The following GPR4 variants were observed in gnomAD, a reference collection of about 807,000 sequenced individuals.
GPR4 encodes the protein G-prodeshotein coupled receptor 4.
Under a neutral mutation model 17.8 loss-of-function variants are expected in GPR4, and 11 were observed. That is an observed-to-expected ratio of 0.62 (90% confidence interval 0.39 to 1.02). The LOEUF (loss-of-function observed/expected upper bound fraction) is 1.02. Ranked by LOEUF, GPR4 falls within the 50% of genes least tolerant of loss-of-function variation. The pLI, the probability that GPR4 is intolerant of heterozygous loss-of-function variation, is 0.00. For synonymous variants in GPR4, 219 were observed against 222.8 expected (o/e 0.98, Z 0.15); for missense variants, 364 against 495.4 (o/e 0.73, Z 2.52).
chr19:45,593,960 G>A (rs1421733447), intron 1 of GPR4, among the ~76,000 whole-genome samples: 1 of 146,054 alleles, frequency 6.8e-6, no homozygotes, highest in Admixed American at 6.9e-5. Flanking sequence ...GCTCACAGCA[G>A]CCTCAACCTC....
chr19:45,590,825 A>G lies in GPR4; in HGVS notation c.1042T>C (p.Ser348Pro). 1 of 1,605,834 alleles carries G rather than the reference A, an allele frequency of 6.2e-7. No individual in the cohort carries two copies. Residue 348 changes from serine to proline, a missense_variant, in exon 2 of 2, where the codon TCC (serine) becomes CCC (proline). Ser to Pro is a moderately conservative substitution (Grantham distance 74). This residue lies in a region of GPR4 where 92 missense variants were observed against 106.0 expected (regional missense o/e 0.87). Coordinates refer to ENST00000323040, the MANE Select transcript of GPR4 (RefSeq NM_005282.3). ...TTCAGCTGCACCTGGTCCCCCTGGG[A>G]GGGCGGAGTGGCCGCCCAGCTGCCA... ...MTGSWAATPPSQGDQVQLKML... is the reference protein window; with the variant it reads ...MTGSWAATPPPQGDQVQLKML...
At chr19:45,601,855 T>A (rs1334574226) in intron 1 of GPR4, among the ~76,000 whole-genome samples, 1 of 148,882 alleles carries the variant, frequency 6.7e-6, no homozygotes, top group Non-Finnish European at 1.5e-5. Flanking sequence ...GACAGAGACA[T>A]CCAGAGACAC....
In GPR4 at chr19:45,591,389, G is replaced by A. The variant is rs769312976; in HGVS notation, c.478C>T (p.Arg160Ter). The A allele has an allele frequency of 6.2e-7, 1 of 1,613,522 alleles. No homozygotes were observed. The highest frequency in any genetic ancestry group is 8.5e-7 in the Non-Finnish European group (1 of 1,179,886). The change falls in exon 2 of 2, where the codon CGA becomes TGA. Residue 160 changes from arginine (R) to a stop codon, truncating the protein, a stop_gained. Coordinates refer to ENST00000323040, the MANE Select transcript of GPR4 (RefSeq NM_005282.3). LOFTEE classifies it high-confidence loss of function. The surrounding 1 kb of genome is among the most constrained non-coding windows in gnomAD (Gnocchi z 7.6). ...CAGAAGGTGTGGTTGTAGCGGTCTC[G>A]GAAGAGCTCGTCATGGAACAGGGGC... ...SAPLFHDELF[R>*]DRYNHTFCFE... is the part of the protein sequence containing the mutation.
chr19:45,591,655 G>A lies in GPR4; in HGVS notation c.212C>T (p.Pro71Leu), dbSNP rs1969997231. Residue 71 changes from proline (P) to leucine (L), a missense_variant, in exon 2 of 2, where the codon CCG becomes CTG. This residue lies in a region of GPR4 where 271 missense variants were observed against 373.1 expected (regional missense o/e 0.73). Transcript: ENST00000323040. This position sits in a 1 kb window ranked among gnomAD's most constrained non-coding sequence, Gnocchi z 7.6. ...IADLLYICTL[P>L]LWVDYFLHHD... ...GTGCAGGAAGTAGTCCACCCACAGC[G>A]GCAGCGTGCAGATGTACAGCAGGTC... The A allele has an allele frequency of 3.1e-6, 5 of 1,614,036 alleles. No homozygotes were observed. Among genetic ancestry groups the A allele is most frequent in the Non-Finnish European group, 2.5e-6 (3 of 1,179,940 alleles).
rs964429170 is a variant in GPR4 at position 45,591,406 on chromosome 19, A to T, written c.461T>A (p.Phe154Tyr). Residue 154 changes from phenylalanine (F) to tyrosine (Y), a missense_variant, in exon 2 of 2, where the codon TTC (phenylalanine) becomes TAC (tyrosine). Phe to Tyr is a conservative substitution (Grantham distance 22). This residue lies in a region of GPR4 where 271 missense variants were observed against 373.1 expected (regional missense o/e 0.73). Coordinates refer to ENST00000323040, the MANE Select transcript of GPR4 (RefSeq NM_005282.3). The surrounding 1 kb of genome is among the most constrained non-coding windows in gnomAD (Gnocchi z 7.6). ...GCGGTCTCGGAAGAGCTCGTCATGG[A>T]ACAGGGGCGCCGAGTTGGCGCCCAG... is the stretch of plus-strand genomic sequence containing the variant. ...TELGANSAPL[F>Y]HDELFRDRYN... 1.9e-6 allele frequency: 3 copies of T among 1,609,784 alleles called. No homozygotes were observed. The highest frequency in any genetic ancestry group is 1.3e-5 in the African/African-American group (1 of 74,272).
chr19:45,597,092 A>G (rs796916169), intron 1 of GPR4, among the ~76,000 whole-genome samples: 9 of 151,250 alleles, frequency 6.0e-5, no homozygotes, highest in African/African-American at 2.2e-4. Flanking sequence ...TTTTGGAGAC[A>G]GAATCTTACT....
chr19:45,594,786 C>G (rs1970040879), intron 1 of GPR4, among the ~76,000 whole-genome samples: 1 of 66,316 alleles, frequency 1.5e-5, no homozygotes, highest in Admixed American at 1.7e-4. Flanking sequence ...AGTTCAAGAT[C>G]AGCCTGGCCA....
At chr19:45,600,211 C>T (rs1436229947) in intron 1 of GPR4, among the ~76,000 whole-genome samples, 2 of 152,252 alleles carry the variant, frequency 1.3e-5, no homozygotes, top group East Asian at 3.9e-4. Context: ...ATCCAGGCCG[C>T]CTCTCTACCC....
rs1969992215 is a variant in GPR4, at chr19:45,591,370, G to T, written c.497C>A (p.Thr166Asn). The change falls in exon 2 of 2, where the codon ACC becomes AAC. Residue 166 changes from threonine (T) to asparagine (N), a missense_variant. Around this residue, in one of 3 missense-constraint regions of GPR4, gnomAD observed 271 missense variants for 373.1 expected, o/e 0.73. Transcript: ENST00000323040. The surrounding 1 kb of genome is among the most constrained non-coding windows in gnomAD (Gnocchi z 7.6). ...DELFRDRYNH[T>N]FCFEKFPMEG... is the part of the protein sequence containing the mutation. ...CATGGGGAACTTCTCAAAGCAGAAGGTGTGGTTGTAGCGGTCTCGGAAGAG... is the reference window on the plus strand; with the variant it reads ...CATGGGGAACTTCTCAAAGCAGAAGTTGTGGTTGTAGCGGTCTCGGAAGAG... 1 of 1,613,622 alleles carries T rather than the reference G, an allele frequency of 6.2e-7. No individual in the cohort carries two copies. Among genetic ancestry groups the T allele is most frequent in the East Asian group, 2.2e-5 (1 of 44,850 alleles).
rs1310109711 is a variant in GPR4, at chr19:45,591,792, G to A, written c.75C>T (p.Ile25=). 5 of 1,609,356 alleles carry A rather than the reference G, an allele frequency of 3.1e-6. No homozygotes were observed. The highest frequency in any genetic ancestry group is 1.7e-5 in the Admixed American group (1 of 59,684). The change falls in exon 2 of 2, where the codon ATC becomes ATT. Residue 25 remains isoleucine (I), a synonymous_variant. Coordinates refer to ENST00000323040, the MANE Select transcript of GPR4 (RefSeq NM_005282.3). The surrounding 1 kb of genome is among the most constrained non-coding windows in gnomAD (Gnocchi z 7.6). ...VDHLFPPSLY[I]FVIGVGLPTN... is the part of the protein sequence containing the mutation. ...TGGGCAGCCCCACGCCGATGACAAA[G>A]ATGTAGAGGGATGGCGGAAAGAGGT...
At chr19:45,599,629 C>G (rs1281563358) in intron 1 of GPR4, 1 of 152,200 alleles carries the variant, frequency 6.6e-6, no homozygotes, top group Non-Finnish European at 1.5e-5. Flanking sequence ...TCTGTGCCCC[C>G]AAAGCCCACA....
intron 1 of GPR4, among the ~76,000 whole-genome samples, chr19:45,596,103 G>A (rs1039655266): frequency 2.0e-5 from 3 of 152,252 alleles, no homozygotes; most frequent in Admixed American, 6.5e-5. Flanking sequence ...CACTCGCTGG[G>A]ATCATTGCAG....
At position 45,591,466 on chromosome 19, in the gene GPR4, G is replaced by A. The variant is rs747828205; in HGVS notation, c.401C>T (p.Ala134Val). The A allele has an allele frequency of 2.2e-5, 36 of 1,609,748 alleles. No individual in the cohort carries two copies. Among genetic ancestry groups the A allele is most frequent in the Non-Finnish European group, 3.0e-5 (35 of 1,178,800 alleles). The change falls in exon 2 of 2, where the codon GCC becomes GTC. Residue 134 changes from alanine to valine, a missense_variant. Physicochemically the swap from Ala to Val is moderately conservative, Grantham distance 64. Transcript: ENST00000323040. This position sits in a 1 kb window ranked among gnomAD's most constrained non-coding sequence, Gnocchi z 7.6. The stretch of plus-strand genomic sequence containing the variant: ...CCAGACCACGGAGCTCACGGCCACG[G>A]CGGTCTTGACGCGGCGCAGGCGGGC... ...RFARLRRVKT[A>V]VAVSSVVWAT...
At chr19:45,599,333 A>G (rs907448978) in intron 1 of GPR4, among the ~76,000 whole-genome samples, 1 of 149,382 alleles carries the variant, frequency 6.7e-6, no homozygotes, top group Non-Finnish European at 1.5e-5. Flanking sequence ...CGCATCCCCC[A>G]GCACCCCTGG....
chr19:45,597,520 G>A (rs1219990374), intron 1 of GPR4, among the ~76,000 whole-genome samples: 1 of 152,176 alleles, frequency 6.6e-6, no homozygotes, highest in African/African-American at 2.4e-5. Context: ...CAGGAGGGCA[G>A]AGACTTTGTG....
Position 45,591,497 on chromosome 19 carries a change from G to C in GPR4, c.370C>G (p.Arg124Gly). 6.2e-7 allele frequency: 1 copy of C among 1,612,008 alleles called. No homozygotes were observed. Among genetic ancestry groups the C allele is most frequent in the Non-Finnish European group, 8.5e-7 (1 of 1,179,132 alleles). The change falls in exon 2 of 2, where the codon CGC (arginine) becomes GGC (glycine). Residue 124 changes from arginine (R) to glycine (G), a missense_variant. Arg to Gly is a moderately radical substitution (Grantham distance 125). Transcript: ENST00000323040. This position sits in a 1 kb window ranked among gnomAD's most constrained non-coding sequence, Gnocchi z 7.6. Reference sequence around the variant, plus strand: ...TTGACGCGGCGCAGGCGGGCGAAGCGGAGTGGGTGGGCCACAGCCAGGTAG... The same window carrying C: ...TTGACGCGGCGCAGGCGGGCGAAGCCGAGTGGGTGGGCCACAGCCAGGTAG... Reference protein sequence around the residue: ...DRYLAVAHPLRFARLRRVKTA... With the variant: ...DRYLAVAHPLGFARLRRVKTA...
intron 1 of GPR4, among the ~76,000 whole-genome samples, chr19:45,594,210 T>G (rs893411627): frequency 6.9e-6 from 1 of 145,326 alleles, no homozygotes; most frequent in Non-Finnish European, 1.5e-5. Context: ...GATCATGAGG[T>G]CAAGAGATCA....
chr19:45,594,061 AAAATATATATAT>A (rs1261925858), intron 1 of GPR4, among the ~76,000 whole-genome samples: 4 of 40,128 alleles, frequency 1.0e-4, no homozygotes, highest in African/African-American at 7.3e-4. Context: ...AAAAAAAAAA[AAAATATATATAT>A]ATATATATAT....
intron 1 of GPR4, among the ~76,000 whole-genome samples, chr19:45,598,212 C>T (rs1397645339): frequency 6.6e-6 from 1 of 152,140 alleles, no homozygotes; most frequent in African/African-American, 2.4e-5. Flanking sequence ...ACATCACAGA[C>T]CGGAACGTCC....
Sources: gnomAD v4.1 joint callset for allele counts (sites outside exome capture counted in the v4.1 genomes callset) on GRCh38, gnomAD v4.1.1 for gene constraint, gnomAD v4.1.1 regional missense constraint, Gnocchi (gnomAD v3.1) non-coding constraint, MANE v1.5 for transcripts, NCBI Gene and HGNC (gene_info 2026-07-23, HGNC 2026-07-21) for gene names.